Variants in PHACTR1 observed in about 807,000 individuals in gnomAD.
PHACTR1 encodes the protein RPEL repeat containing 1.
Under a neutral mutation model 69.2 loss-of-function variants are expected in PHACTR1, and 16 were observed. The observed-to-expected ratio is 0.23, with a 90% CI of 0.16 to 0.35. PHACTR1 has a LOEUF of 0.35. Ranked by LOEUF, PHACTR1 falls within the 10% of genes least tolerant of loss-of-function variation. PHACTR1 has a pLI of 1.00. For missense variants in PHACTR1, 510 were observed against 734.7 expected (o/e 0.69, Z 3.54); for synonymous variants, 312 against 284.5 (o/e 1.10, Z -0.97).
chr6:12,796,495 A>G (rs1326383875), intron 4 of PHACTR1, among the ~76,000 whole-genome samples: 1 of 152,242 alleles, frequency 6.6e-6, no homozygotes, highest in African/African-American at 2.4e-5. Flanking sequence ...TGCAAAATGA[A>G]TGCTTGACTT....
chr6:13,097,550 T>A (rs971502463), intron 5 of PHACTR1, among the ~76,000 whole-genome samples: 4 of 152,186 alleles, frequency 2.6e-5, no homozygotes, highest in African/African-American at 9.7e-5. Flanking sequence ...TTTAACTTCA[T>A]GCAAGGAAAC....
intron 5 of PHACTR1, among the ~76,000 whole-genome samples, chr6:13,134,795 TAAAAAAAAAA>T (rs35318262): frequency 0.01 from 1,157 of 111,338 alleles, 17 homozygotes; most frequent in African/African-American, 0.036. Flanking sequence ...CAATAAATAC[TAAAAAAAAAA>T]AAAAAAAAAA....
chr6:13,282,036 CTAAT>C (rs1246273952), intron 12 of PHACTR1, among the ~76,000 whole-genome samples: 2 of 152,370 alleles, frequency 1.3e-5, no homozygotes, highest in East Asian at 1.9e-4. Context: ...CAGCCATCCT[CTAAT>C]TGTGCTCTGC....
intron 4 of PHACTR1, among the ~76,000 whole-genome samples, chr6:12,750,166 G>A (rs1335484211): frequency 1.3e-5 from 2 of 152,300 alleles, no homozygotes; most frequent in East Asian, 3.9e-4. Flanking sequence ...ACTACGGGGT[G>A]GAACTTGTTG....
chr6:12,830,559 CT>C (rs1189284391), intron 4 of PHACTR1, among the ~76,000 whole-genome samples: 2 of 150,566 alleles, frequency 1.3e-5, no homozygotes, highest in Non-Finnish European at 3.0e-5. Flanking sequence ...CTCATTTCTT[CT>C]GAGTAATACA....
intron 10 of PHACTR1, among the ~76,000 whole-genome samples, chr6:13,268,088 G>A (rs1032594955): frequency 5.3e-5 from 8 of 152,138 alleles, no homozygotes; most frequent in African/African-American, 1.9e-4. Flanking sequence ...CCAACGTGGT[G>A]AAACCGCATG....
chr6:13,019,207 C>T (rs1800632560), intron 4 of PHACTR1, among the ~76,000 whole-genome samples: 1 of 152,088 alleles, frequency 6.6e-6, no homozygotes, highest in African/African-American at 2.4e-5. Context: ...GCCGCAGTGC[C>T]TGGCCCAAGA....
chr6:12,759,637 C>A (rs895385072), intron 4 of PHACTR1, among the ~76,000 whole-genome samples: 1 of 152,076 alleles, frequency 6.6e-6, no homozygotes, highest in African/African-American at 2.4e-5. Flanking sequence ...ATTTCTTTTA[C>A]AGTCAGAAGG....
chr6:12,782,781 C>T (rs1771001962), intron 4 of PHACTR1, among the ~76,000 whole-genome samples: 1 of 152,136 alleles, frequency 6.6e-6, no homozygotes, highest in Non-Finnish European at 1.5e-5. Flanking sequence ...TTCTGGATGG[C>T]ACCCTGATTA....
At chr6:13,229,867 G>C (rs1230210469) in intron 9 of PHACTR1, among the ~76,000 whole-genome samples, 170 bp from the exon 10 acceptor site, 1 of 152,232 alleles carries the variant, frequency 6.6e-6, no homozygotes, top group East Asian at 1.9e-4. Flanking sequence ...AGTGCTAGGG[G>C]TAGAGTGTGT....
chr6:12,904,734 A>C (rs762745915), intron 4 of PHACTR1, among the ~76,000 whole-genome samples: 10 of 152,076 alleles, frequency 6.6e-5, no homozygotes, highest in Non-Finnish European at 8.8e-5. Flanking sequence ...TCAGTCTAGC[A>C]CAATCAGAAC....
At chr6:12,993,651 A>G (rs1797075022) in intron 4 of PHACTR1, among the ~76,000 whole-genome samples, 1 of 152,234 alleles carries the variant, frequency 6.6e-6, no homozygotes, top group Non-Finnish European at 1.5e-5. Context: ...CTTTGCCTAT[A>G]AGGTCAGGAA....
At chr6:12,985,541 A>ATATATAT (rs1554186434) in intron 4 of PHACTR1, among the ~76,000 whole-genome samples, 12 of 132,764 alleles carry the variant, frequency 9.0e-5, no homozygotes, top group African/African-American at 2.9e-4. Context: ...AAAAAAAAAA[A>ATATATAT]ATATATATAT....
At chr6:12,864,428 C>A (rs1332920973) in intron 4 of PHACTR1, among the ~76,000 whole-genome samples, 1 of 152,184 alleles carries the variant, frequency 6.6e-6, no homozygotes, top group African/African-American at 2.4e-5. Context: ...CGCCTGTAAT[C>A]CCAGCACTTT....
chr6:12,973,571 A>G (rs993550576), intron 4 of PHACTR1, among the ~76,000 whole-genome samples: 1 of 152,192 alleles, frequency 6.6e-6, no homozygotes, highest in Non-Finnish European at 1.5e-5. Context: ...CTCTTCTACC[A>G]TTTCATTCGA....
chr6:13,091,037 A>G (rs755386157), intron 5 of PHACTR1, among the ~76,000 whole-genome samples: 1 of 151,840 alleles, frequency 6.6e-6, no homozygotes, highest in Non-Finnish European at 1.5e-5. Context: ...TGGGGTGCAG[A>G]ATTTCACTCT....
At chr6:12,870,373 T>C (rs1781905752) in intron 4 of PHACTR1, among the ~76,000 whole-genome samples, 2 of 152,208 alleles carry the variant, frequency 1.3e-5, no homozygotes, top group Admixed American at 6.5e-5. Flanking sequence ...AATTCAATTC[T>C]TTTAAATGGA....
chr6:12,757,713 G>A (rs1354843132), intron 4 of PHACTR1, among the ~76,000 whole-genome samples: 2 of 152,186 alleles, frequency 1.3e-5, no homozygotes, highest in African/African-American at 4.8e-5. Context: ...CTGAGCAGTA[G>A]GAGGGATAGA....
intron 4 of PHACTR1, among the ~76,000 whole-genome samples, chr6:13,042,805 G>T (rs373840720): frequency 6.6e-5 from 10 of 152,232 alleles, no homozygotes; most frequent in African/African-American, 2.4e-4. Flanking sequence ...TGCCCCAAAA[G>T]AATGCTTTTA....
Sources: gnomAD v4.1 joint callset for allele counts (sites outside exome capture counted in the v4.1 genomes callset) on GRCh38, gnomAD v4.1.1 for gene constraint, MANE v1.5 for transcripts, NCBI Gene and HGNC (gene_info 2026-07-23, HGNC 2026-07-21) for gene names.